The following EMID1 variants were observed in gnomAD, a reference collection of about 807,000 sequenced individuals.
The protein encoded by EMID1 is EMI domain containing 1, also known as EMI domain-containing protein 1.
EMID1 carries 40 observed loss-of-function variants against 60.6 expected under a neutral mutation model. The ratio of observed to expected loss-of-function variants is 0.66; its 90% CI spans 0.51 to 0.86. The LOEUF (loss-of-function observed/expected upper bound fraction) is 0.86. Among genes scored for constraint, EMID1 ranks in the 40% least tolerant of loss-of-function variants. EMID1 has a pLI of 0.00. For missense variants in EMID1, 585 were observed against 597.1 expected (o/e 0.98, Z 0.21); for synonymous variants, 242 against 231.0 (o/e 1.05, Z -0.43).
intron 10 of EMID1, 140 bp downstream of exon 10, chr22:29,233,806 A>C (rs2040841710): frequency 4.6e-6 from 4 of 869,886 alleles, no homozygotes; most frequent in Non-Finnish European, 5.3e-6. Context: ...TCATTCAACA[A>C]GTATTTATTG....
chr22:29,211,561 G>A (rs2039884145), intron 1 of EMID1, among the ~76,000 whole-genome samples: 1 of 152,060 alleles, frequency 6.6e-6, no homozygotes, highest in South Asian at 2.1e-4. Flanking sequence ...GTGTGTCCAT[G>A]CATTGTGTGT....
At chr22:29,217,721 G>A (rs2040139388) in intron 3 of EMID1, among the ~76,000 whole-genome samples, 1 of 152,238 alleles carries the variant, frequency 6.6e-6, no homozygotes. Context: ...GGAGGTGGGT[G>A]AGTGGATGCA....
In EMID1 at chr22:29,206,114, G is replaced by T. The variant is rs1034628247; in HGVS notation, c.76G>T (p.Gly26Trp). The T allele has an allele frequency of 8.1e-7, 1 of 1,230,606 alleles. No individual in the cohort carries two copies. The highest frequency in any genetic ancestry group is 1.0e-6 in the Non-Finnish European group (1 of 987,120). 76.2% of individuals were successfully genotyped at this position (1,230,606 alleles called of 1,614,324 possible). A position where few individuals can be genotyped will look rare whatever the true frequency, so the allele number is the denominator to read the frequency against. Residue 26 changes from glycine to tryptophan, a missense_variant, in exon 1 of 15, where the codon GGG becomes TGG. Gly to Trp is a radical substitution (Grantham distance 184). Coordinates refer to ENST00000334018, the MANE Select transcript of EMID1 (RefSeq NM_133455.4). ...LPGGGAAWSI[G>W]AAPFSGRRNW... ...GGGAGGCGGCGCTGCGTGGAGCATC[G>T]GGGCAGCTCCGTTCTCCGGACGCAG... is the stretch of plus-strand genomic sequence containing the variant.
intron 7 of EMID1, 39 bp downstream of exon 7, chr22:29,231,721 A>G: frequency 7.0e-7 from 1 of 1,430,082 alleles, no homozygotes. Context: ...TCCTCTGGCC[A>G]TCCCCTCCAC....
At chr22:29,210,527 C>T (rs1003484316) in intron 1 of EMID1, among the ~76,000 whole-genome samples, 4 of 151,888 alleles carry the variant, frequency 2.6e-5, no homozygotes, top group Non-Finnish European at 5.9e-5. Flanking sequence ...TGAGCCACTG[C>T]GCCCGGCCAA....
At chr22:29,242,226 C>T (rs1309976621) in intron 12 of EMID1, among the ~76,000 whole-genome samples, 1 of 152,166 alleles carries the variant, frequency 6.6e-6, no homozygotes, top group African/African-American at 2.4e-5. Context: ...ATTACAGGCT[C>T]TGTCTGTACT....
chr22:29,226,135 G>A, intron 4 of EMID1, among the ~76,000 whole-genome samples: 1 of 152,140 alleles, frequency 6.6e-6, no homozygotes, highest in East Asian at 1.9e-4. Context: ...CCATGAGGCT[G>A]GCTGGGGTCG....
chr22:29,215,943 T>A (rs966144883), intron 3 of EMID1, among the ~76,000 whole-genome samples: 2 of 152,222 alleles, frequency 1.3e-5, no homozygotes, highest in African/African-American at 4.8e-5. Context: ...CATTTCTGTA[T>A]GACACGATAA....
In EMID1 at chr22:29,232,233, A is replaced by G. The variant is rs200015315; in HGVS notation, c.677-23A>G. 4.4e-5 allele frequency: 71 copies of G among 1,611,380 alleles called. No individual in the cohort carries two copies. The Admixed American group carries it at 7.8e-4, about 18-fold the overall frequency. On this transcript the variant is annotated intron_variant, in intron 7 of 14. Transcript: ENST00000334018. ...GCCTCCTTGCCTCCTGTATACCCAC[A>G]AATCCGTGTGATTCCATTGCAGGTC...
intron 3 of EMID1, among the ~76,000 whole-genome samples, chr22:29,218,341 A>G (rs1171976973): frequency 1.3e-5 from 2 of 152,204 alleles, no homozygotes; most frequent in African/African-American, 4.8e-5. Context: ...TTTCTGCAGA[A>G]TGGGGATGTT....
intron 13 of EMID1, chr22:29,253,904 T>A: frequency 1.0e-6 from 1 of 985,438 alleles, no homozygotes; most frequent in Non-Finnish European, 1.2e-6. Flanking sequence ...GTTCTGCCCC[T>A]GAAGATTGGC....
At chr22:29,206,242 A>T in intron 1 of EMID1, 103 bp downstream of exon 1, 3 of 903,648 alleles carry the variant, frequency 3.3e-6, no homozygotes, top group Non-Finnish European at 4.3e-6. Flanking sequence ...TCCAGTCCCC[A>T]GCCCGGGTGA....
intron 3 of EMID1, among the ~76,000 whole-genome samples, chr22:29,219,318 C>T (rs568462325): frequency 1.1e-4 from 16 of 152,310 alleles, no homozygotes; most frequent in South Asian, 2.1e-4. Flanking sequence ...GGCTCCCTCC[C>T]CTCCCCTCCC....
In EMID1 at chr22:29,216,466, G is replaced by C. The variant is rs961760324; in HGVS notation, c.319+836G>C. On this transcript the variant is annotated intron_variant, in intron 3 of 14. Coordinates refer to ENST00000334018, the MANE Select transcript of EMID1 (RefSeq NM_133455.4). ...ATGGGCTGGCCCAGAACCATCCTGA[G>C]AACCAGGCCCAGAGACAGCTCAAGG... 4.1e-6 allele frequency: 4 copies of C among 985,356 alleles called. No homozygotes were observed. The African/African-American group carries it at 7.0e-5, about 17-fold the overall frequency. The allele number at this position is 985,356 out of a possible 1,614,324, so 61.0% of individuals were successfully genotyped here.
intron 12 of EMID1, among the ~76,000 whole-genome samples, chr22:29,235,486 G>A (rs978677995): frequency 2.6e-5 from 4 of 151,632 alleles, no homozygotes; most frequent in Non-Finnish European, 5.9e-5. Context: ...TGCTGTTTAT[G>A]TTCTATTTAT....
At chr22:29,235,523 C>CCTTTT (rs766738772) in intron 12 of EMID1, among the ~76,000 whole-genome samples, 2 of 150,762 alleles carry the variant, frequency 1.3e-5, no homozygotes, top group African/African-American at 2.4e-5. Flanking sequence ...TTCTTTTTTC[C>CCTTTT]CTTTTCTTTT....
chr22:29,231,273 G>C (rs190768157), intron 6 of EMID1, 133 bp downstream of exon 6: 1 of 1,359,082 alleles, frequency 7.4e-7, no homozygotes, highest in African/African-American at 1.5e-5. Context: ...CCCATTTCCC[G>C]TTTCTTAGAC....
intron 13 of EMID1, among the ~76,000 whole-genome samples, chr22:29,250,725 C>G (rs1174596574): frequency 1.8e-5 from 2 of 110,478 alleles, no homozygotes; most frequent in Non-Finnish European, 4.2e-5. Flanking sequence ...CACCACCACA[C>G]CCGGCTAATT....
intron 3 of EMID1, among the ~76,000 whole-genome samples, chr22:29,222,693 T>A (rs1260240098): frequency 2.0e-5 from 3 of 152,138 alleles, no homozygotes; most frequent in Non-Finnish European, 4.4e-5. Flanking sequence ...CGTGAGCCAC[T>A]GTGCCTGGCC....
Sources: allele counts gnomAD v4.1 joint callset (sites outside exome capture counted in the v4.1 genomes callset), GRCh38; gene constraint gnomAD v4.1.1; transcripts MANE v1.5; gene names NCBI Gene and HGNC (gene_info 2026-07-23, HGNC 2026-07-21).